MTUS1: variants seen among roughly 807,000 people sequenced by gnomAD.
MTUS1 encodes microtubule associated scaffold protein 1.
Under a neutral mutation model 120.8 loss-of-function variants are expected in MTUS1, and 109 were observed. The ratio of observed to expected loss-of-function variants is 0.90; its 90% CI spans 0.77 to 1.06. MTUS1 has a LOEUF of 1.06. MTUS1 is among the 50% of genes least tolerant of loss of function. The pLI, the probability that MTUS1 is intolerant of heterozygous loss-of-function variation, is 0.00. For synonymous variants in MTUS1, 737 were observed against 550.5 expected (o/e 1.34, Z -4.74); for missense variants, 2,210 against 1,486.3 (o/e 1.49, Z -8.01).
intron 4 of MTUS1, among the ~76,000 whole-genome samples, chr8:17,717,836 G>A (rs868454564): frequency 1.3e-5 from 2 of 151,950 alleles, no homozygotes; most frequent in Non-Finnish European, 2.9e-5. Context: ...AGATCAACCC[G>A]GCACCACACC....
intron 3 of MTUS1, among the ~76,000 whole-genome samples, chr8:17,728,027 G>A (rs945439229): frequency 6.6e-6 from 1 of 152,026 alleles, no homozygotes; most frequent in African/African-American, 2.4e-5. Context: ...AGTAAAAGAC[G>A]CCTAGCAAAA....
At chr8:17,765,193 G>A (rs1262929117) in intron 1 of MTUS1, among the ~76,000 whole-genome samples, 1 of 152,138 alleles carries the variant, frequency 6.6e-6, no homozygotes, top group Non-Finnish European at 1.5e-5. Context: ...TGGAGCTCAG[G>A]CACTAATGCA....
At chr8:17,710,730 A>T (rs1821114431) in intron 6 of MTUS1, among the ~76,000 whole-genome samples, 1 of 152,204 alleles carries the variant, frequency 6.6e-6, no homozygotes, top group Admixed American at 6.6e-5. Context: ...GCCCCGTTCC[A>T]TCAGAGGAAT....
chr8:17,673,300 T>C (rs1812402214), intron 8 of MTUS1, among the ~76,000 whole-genome samples: 1 of 152,214 alleles, frequency 6.6e-6, no homozygotes, highest in South Asian at 2.1e-4. Flanking sequence ...ATTCTGAAGT[T>C]TCCATCTGTC....
chr8:17,655,296 A>G (rs1807964948), intron 9 of MTUS1, among the ~76,000 whole-genome samples: 1 of 152,036 alleles, frequency 6.6e-6, no homozygotes, highest in African/African-American at 2.4e-5. Context: ...TAAAAAAAAA[A>G]AAAAGAAAGA....
intron 1 of MTUS1, among the ~76,000 whole-genome samples, chr8:17,761,058 C>T (rs1425697108): frequency 1.3e-5 from 2 of 152,018 alleles, no homozygotes; most frequent in Non-Finnish European, 2.9e-5. Context: ...AGAACAAATT[C>T]CCCACTTATT....
chr8:17,654,881 C>G, intron 9 of MTUS1: 1 of 566,750 alleles, frequency 1.8e-6, no homozygotes, highest in Non-Finnish European at 3.1e-6. Context: ...TGGAGCCCAG[C>G]AGTTCAAGTC....
At chr8:17,692,780 A>C (rs1817211950) in intron 6 of MTUS1, among the ~76,000 whole-genome samples, 1 of 152,168 alleles carries the variant, frequency 6.6e-6, no homozygotes, top group Admixed American at 6.5e-5. Flanking sequence ...TTGTACAAGA[A>C]TCTGTACAAT....
At chr8:17,670,615 G>T (rs577800620) in intron 8 of MTUS1, among the ~76,000 whole-genome samples, 1 of 152,286 alleles carries the variant, frequency 6.6e-6, no homozygotes, top group South Asian at 2.1e-4. Context: ...CTTGAGGCAA[G>T]TGTTAGAGAC....
In MTUS1 at chr8:17,799,637, T is replaced by C. The variant is rs141894859; in HGVS notation, c.-155+1424A>G. On this transcript the variant is annotated intron_variant, in intron 1 of 14. Coordinates refer to ENST00000693296, the MANE Select transcript of MTUS1 (RefSeq NM_001363059.2). ...AGGTTAGTTTCCAAAAAATATAAGA[T>C]ATTATCTAGAATCTTATAATCCTAT... 6.5e-3 allele frequency among the ~76,000 whole-genome samples: 993 copies of C among 152,226 alleles called. 18 individuals carry two copies. The highest frequency in any genetic ancestry group is 0.023 in the African/African-American group (947 of 41,562).
chr8:17,750,019 A>T (rs1213697478), intron 2 of MTUS1, among the ~76,000 whole-genome samples: 1 of 152,186 alleles, frequency 6.6e-6, no homozygotes, highest in East Asian at 1.9e-4. Context: ...TTGCCCAGTA[A>T]ATGGTGGAGC....
intron 2 of MTUS1, among the ~76,000 whole-genome samples, chr8:17,747,444 T>C (rs2047853005): frequency 6.6e-6 from 1 of 152,240 alleles, no homozygotes; most frequent in African/African-American, 2.4e-5. Flanking sequence ...AACATACCCT[T>C]GCCTGTTTAC....
intron 1 of MTUS1, among the ~76,000 whole-genome samples, chr8:17,785,143 T>C (rs1381190928): frequency 1.3e-5 from 2 of 152,014 alleles, no homozygotes; most frequent in Non-Finnish European, 2.9e-5. Context: ...CACATGCAGC[T>C]TCTTTGCTAG....
chr8:17,771,914 CTA>C (rs1315567027), intron 1 of MTUS1, among the ~76,000 whole-genome samples: 2 of 152,218 alleles, frequency 1.3e-5, no homozygotes, highest in African/African-American at 2.4e-5. Context: ...CTGCATAACT[CTA>C]TGAGTCACCA....
In MTUS1 at chr8:17,754,525, A is replaced by T. The variant is rs553951114; in HGVS notation, c.1283T>A (p.Met428Lys). ...TGTGGGTTCTAGGACTGGTGTTGACATGCACATCGTTTTGTCTGTGCTAAT... is the reference window on the plus strand; with the variant it reads ...TGTGGGTTCTAGGACTGGTGTTGACTTGCACATCGTTTTGTCTGTGCTAAT... ...MVISTDKTMCMSTPVLEPTKV... is the reference protein window; with the variant it reads ...MVISTDKTMCKSTPVLEPTKV... The change falls in exon 2 of 15, where the codon ATG becomes AAG. Residue 428 changes from methionine (M) to lysine (K), a missense_variant. Transcript: ENST00000693296. 1 of 1,614,216 alleles carries T rather than the reference A, an allele frequency of 6.2e-7. No individual in the cohort carries two copies. The highest frequency in any genetic ancestry group is 1.1e-5 in the South Asian group (1 of 91,082).
At chr8:17,647,186 A>C (rs1297979200) in intron 13 of MTUS1, 107 bp from the exon 14 acceptor site, 1 of 790,170 alleles carries the variant, frequency 1.3e-6, no homozygotes, top group Non-Finnish European at 2.1e-6. Context: ...TAATTAAGGA[A>C]AATGCAATTC....
intron 8 of MTUS1, among the ~76,000 whole-genome samples, chr8:17,667,707 T>C (rs1360931718): frequency 6.6e-6 from 1 of 152,254 alleles, no homozygotes; most frequent in African/African-American, 2.4e-5. Context: ...TCATCAAACT[T>C]TCCCTGTGGT....
At chr8:17,651,636 T>G (rs1807026348) in intron 12 of MTUS1, 1 of 152,038 alleles carries the variant, frequency 6.6e-6, no homozygotes, top group South Asian at 2.1e-4. Flanking sequence ...TTACAAGACT[T>G]GTACCCTCTG....
At chr8:17,791,499 T>A (rs1344843350) in intron 1 of MTUS1, among the ~76,000 whole-genome samples, 1 of 152,228 alleles carries the variant, frequency 6.6e-6, no homozygotes, top group Non-Finnish European at 1.5e-5. Context: ...GATGACTCAA[T>A]TGTCTTTCGA....
Sources: gnomAD v4.1 joint callset for allele counts (sites outside exome capture counted in the v4.1 genomes callset) on GRCh38, gnomAD v4.1.1 for gene constraint, MANE v1.5 for transcripts, NCBI Gene and HGNC (gene_info 2026-07-23, HGNC 2026-07-21) for gene names.